The following NDST3 variants were observed in gnomAD, a reference collection of about 807,000 sequenced individuals.
The protein encoded by NDST3 is N-deacetylase and N-sulfotransferase 3.
In NDST3, 58 loss-of-function variants were observed where a neutral mutation model predicts 96.1. That is an observed-to-expected ratio of 0.60 (90% CI 0.49 to 0.75). The LOEUF (loss-of-function observed/expected upper bound fraction) is 0.75, where lower values mean the gene tolerates loss of function less well. Ranked by LOEUF, NDST3 falls within the 30% of genes least tolerant of loss-of-function variation. NDST3 has a pLI of 0.00. For missense variants in NDST3, 788 were observed against 1,034.2 expected, an observed-to-expected ratio of 0.76 and a Z score of 3.27; for synonymous variants, 333 against 359.7, an observed-to-expected ratio of 0.93 and a Z score of 0.84.
At chr4:118,045,577 C>T (rs7657704) in intron 1 of NDST3, among the ~76,000 whole-genome samples, 113,848 of 151,976 alleles carry the variant, frequency 0.75, 44,455 homozygotes, top group South Asian at 0.9. Context: ...TAGAATATAC[C>T]ATAAATATCC....
chr4:118,068,418 G>T (rs1160548965), intron 2 of NDST3, among the ~76,000 whole-genome samples: 2 of 151,830 alleles, frequency 1.3e-5, no homozygotes, highest in African/African-American at 2.4e-5. Flanking sequence ...TTAAAGAAAT[G>T]GTTCAAGAAT....
chr4:118,196,055 G>T (rs532328980), intron 6 of NDST3, among the ~76,000 whole-genome samples: 1 of 152,096 alleles, frequency 6.6e-6, no homozygotes, highest in African/African-American at 2.4e-5. Context: ...TTTTCATGAA[G>T]GGATGTTGAA....
At chr4:118,228,048 T>G (rs1417470082) in intron 8 of NDST3, among the ~76,000 whole-genome samples, 3 of 152,222 alleles carry the variant, frequency 2.0e-5, no homozygotes, top group Non-Finnish European at 4.4e-5. Context: ...AAACAGCCTT[T>G]ACAATCATAT....
chr4:118,112,713 A>G (rs147780804), intron 3 of NDST3, among the ~76,000 whole-genome samples: 1 of 152,246 alleles, frequency 6.6e-6, no homozygotes, highest in Non-Finnish European at 1.5e-5. Context: ...AGGTCACCTT[A>G]TTTATCACCT....
chr4:118,233,654 C>A (rs926525383), intron 9 of NDST3, among the ~76,000 whole-genome samples: 3 of 151,968 alleles, frequency 2.0e-5, no homozygotes, highest in African/African-American at 7.2e-5. Flanking sequence ...GCCTTTGAAT[C>A]AAAATTAGAA....
intron 6 of NDST3, among the ~76,000 whole-genome samples, chr4:118,154,202 T>C (rs998910498): frequency 2.0e-5 from 3 of 152,210 alleles, no homozygotes; most frequent in African/African-American, 7.2e-5. Flanking sequence ...AGAATTTCTA[T>C]TTACTCAGTT....
At chr4:118,161,140 G>C (rs1735089753) in intron 6 of NDST3, among the ~76,000 whole-genome samples, 1 of 152,234 alleles carries the variant, frequency 6.6e-6, no homozygotes, top group Non-Finnish European at 1.5e-5. Context: ...GTCCACTCCA[G>C]ACCCTGTTTG....
chr4:118,213,140 C>A (rs1738916372), intron 6 of NDST3, among the ~76,000 whole-genome samples: 1 of 152,116 alleles, frequency 6.6e-6, no homozygotes, highest in African/African-American at 2.4e-5. Flanking sequence ...TGCTTCCCAG[C>A]CAGCAAGAAT....
At chr4:118,134,615 T>A (rs1249220263) in intron 4 of NDST3, among the ~76,000 whole-genome samples, 1 of 152,198 alleles carries the variant, frequency 6.6e-6, no homozygotes, top group African/African-American at 2.4e-5. Flanking sequence ...CAAAACTATC[T>A]ATCTTTCAAC....
chr4:118,138,295 C>A, intron 5 of NDST3, 56 bp downstream of exon 5: 1 of 1,437,132 alleles, frequency 7.0e-7, no homozygotes, highest in Admixed American at 2.2e-5. Flanking sequence ...TTTCATTCCT[C>A]ACTTGAAGAA....
intron 6 of NDST3, among the ~76,000 whole-genome samples, chr4:118,200,979 T>C (rs1222512156): frequency 6.6e-6 from 1 of 152,162 alleles, no homozygotes; most frequent in East Asian, 1.9e-4. Context: ...ATCGTTCTAA[T>C]ATTTATGTCC....
intron 6 of NDST3, among the ~76,000 whole-genome samples, chr4:118,192,373 G>C (rs1246830222): frequency 6.6e-6 from 1 of 152,132 alleles, no homozygotes; most frequent in Non-Finnish European, 1.5e-5. Flanking sequence ...CAATGTCTTA[G>C]AGAGTTCCCC....
chr4:118,196,775 T>C (rs753587712), intron 6 of NDST3, among the ~76,000 whole-genome samples: 5 of 151,962 alleles, frequency 3.3e-5, no homozygotes, highest in Admixed American at 6.6e-5. Flanking sequence ...ATTTTCTTTA[T>C]CTTTAAAAAA....
rs148446641 is a variant in NDST3, at chr4:118,253,511, T to A, written c.2412T>A (p.His804Gln). The A allele has an allele frequency of 2.7e-4, 431 of 1,604,768 alleles. 1 individual carries two copies. The African/African-American group carries it at 5.3e-3, about 20-fold the overall frequency. Residue 804 changes from histidine to glutamine, a missense_variant, in exon 13 of 14, where the codon CAT becomes CAA. Physicochemically the swap from His to Gln is conservative, Grantham distance 24. Around this residue, in one of 3 missense-constraint regions of NDST3, gnomAD observed 490 missense variants for 708.8 expected, o/e 0.69. Transcript: ENST00000296499. ...TTTTTTTTTTTAGGTTTGATTCTCATAAAGGTTTCTGGTGTCAGTTACTGG... is the reference window on the plus strand; with the variant it reads ...TTTTTTTTTTTAGGTTTGATTCTCAAAAAGGTTTCTGGTGTCAGTTACTGG... ...NYSEALTFDS[H>Q]KGFWCQLLEE...
At chr4:118,105,131 C>A in intron 3 of NDST3, 26 bp downstream of exon 3, 1 of 1,539,128 alleles carries the variant, frequency 6.5e-7, no homozygotes, top group Non-Finnish European at 9.0e-7. Context: ...TAACTGTTCT[C>A]ATTAAGGCTT....
At chr4:118,064,569 A>AT (rs1335788071) in intron 2 of NDST3, among the ~76,000 whole-genome samples, 4 of 152,106 alleles carry the variant, frequency 2.6e-5, no homozygotes, top group Non-Finnish European at 5.9e-5. Flanking sequence ...TTACCTATAA[A>AT]ATACATATTA....
chr4:118,101,375 A>AC (rs1389827686), intron 2 of NDST3, among the ~76,000 whole-genome samples: 2 of 151,718 alleles, frequency 1.3e-5, no homozygotes, highest in African/African-American at 4.8e-5. Context: ...CTTGAAAAAA[A>AC]AAAAAAACTA....
At position 118,180,045 on chromosome 4, in the gene NDST3, G is replaced by C. The variant is rs372878570; in HGVS notation, c.1539+36361G>C. Among the ~76,000 whole-genome samples the C allele has an allele frequency of 1.3e-4, 20 of 152,134 alleles. 1 individual carries two copies. In the East Asian group the frequency reaches 3.7e-3, roughly 28 times the overall value. On this transcript the variant is annotated intron_variant, in intron 6 of 13. Coordinates refer to ENST00000296499, the MANE Select transcript of NDST3 (RefSeq NM_004784.3). ...AACACATCTAGGGTGAAAATAGAGG[G>C]GGAGTGGAGGAAGAGGAGAGGTAAG...
At chr4:118,098,304 T>C (rs1169073052) in intron 2 of NDST3, among the ~76,000 whole-genome samples, 1 of 151,946 alleles carries the variant, frequency 6.6e-6, no homozygotes, top group East Asian at 1.9e-4. Flanking sequence ...TCTGCACAAT[T>C]GAATGAATGA....
Sources: allele counts gnomAD v4.1 joint callset (sites outside exome capture counted in the v4.1 genomes callset), GRCh38; gene constraint gnomAD v4.1.1; regional missense constraint gnomAD v4.1.1; transcripts MANE v1.5; gene names NCBI Gene and HGNC (gene_info 2026-07-23, HGNC 2026-07-21).